The following TNRC18 variants were observed in gnomAD, a reference collection of about 807,000 sequenced individuals.
The protein encoded by TNRC18 is trinucleotide repeat-containing gene 18 protein.
In TNRC18, 69 loss-of-function variants were observed where a neutral mutation model predicts 226.7. That is an observed-to-expected ratio of 0.30 (90% CI 0.25 to 0.37). TNRC18 has a LOEUF of 0.37. TNRC18 is among the 10% of genes least tolerant of loss of function. TNRC18 has a pLI of 1.00. For synonymous variants in TNRC18, 2,449 were observed against 1,927.6 expected (o/e 1.27, Z -7.09); for missense variants, 4,754 against 4,256.6 (o/e 1.12, Z -3.25).
In TNRC18 at chr7:5,307,877, TG is replaced by T; in HGVS notation, c.*228del. On this transcript the variant is annotated 3_prime_UTR_variant, in exon 30 of 30. Coordinates refer to ENST00000430969, the MANE Select transcript of TNRC18 (RefSeq NM_001080495.3). ...TGATAGCTAAGAGGGGCCCCTGTCC[TG>T]GGGGCACTGAGGGGTTGGAAGGTGG... The T allele has an allele frequency of 1.7e-6, 1 of 574,758 alleles. No individual in the cohort carries two copies. Among genetic ancestry groups the T allele is most frequent in the Non-Finnish European group, 3.1e-6 (1 of 320,206 alleles). 35.6% of individuals were successfully genotyped at this position (574,758 alleles called of 1,614,324 possible).
chr7:5,391,402 C>T lies in TNRC18; in HGVS notation c.344-774G>A, dbSNP rs182480026. On this transcript the variant is annotated intron_variant, in intron 3 of 29. Transcript: ENST00000430969. ...TCTCGGTTCACTGCAACCTCCACCT[C>T]CTTAGTTCAAGAGATCCTCCTGCCA... Among the ~76,000 whole-genome samples, 82 of 152,022 alleles carry T rather than the reference C, an allele frequency of 5.4e-4. No homozygotes were observed. The East Asian group carries it at 0.014, about 26-fold the overall frequency.
chr7:5,345,298 A>G (rs1791059345), intron 18 of TNRC18, among the ~76,000 whole-genome samples: 1 of 152,192 alleles, frequency 6.6e-6, no homozygotes, highest in Non-Finnish European at 1.5e-5. Flanking sequence ...CAAGTGCCCA[A>G]AACAGGGCTG....
At chr7:5,386,512 C>T (rs890814300) in intron 5 of TNRC18, among the ~76,000 whole-genome samples, 2 of 150,420 alleles carry the variant, frequency 1.3e-5, no homozygotes, top group East Asian at 3.9e-4. Flanking sequence ...AGGCAGAGGT[C>T]GCAGTGAGCC....
intron 2 of TNRC18, among the ~76,000 whole-genome samples, chr7:5,419,661 G>A (rs1322107238): frequency 6.6e-6 from 1 of 152,036 alleles, no homozygotes; most frequent in African/African-American, 2.4e-5. Flanking sequence ...CAGCTCCGGA[G>A]GGACACAAGC....
chr7:5,379,212 A>C (rs1013469879), intron 5 of TNRC18, among the ~76,000 whole-genome samples: 1 of 151,996 alleles, frequency 6.6e-6, no homozygotes, highest in Admixed American at 6.6e-5. Context: ...AAAAAAAACA[A>C]AAAAACAAAA....
intron 2 of TNRC18, among the ~76,000 whole-genome samples, chr7:5,419,145 C>A (rs1167704068): frequency 6.6e-6 from 1 of 152,240 alleles, no homozygotes; most frequent in African/African-American, 2.4e-5. Flanking sequence ...GGTGGCTTGG[C>A]CTTCCCTCCA....
chr7:5,320,218 G>C, intron 24 of TNRC18, 100 bp downstream of exon 24: 1 of 899,130 alleles, frequency 1.1e-6, no homozygotes, highest in Non-Finnish European at 1.8e-6. Context: ...GAGCCCACAA[G>C]TCTTTATTCT....
At position 5,377,838 on chromosome 7, in the gene TNRC18, C is replaced by T; in HGVS notation, c.2255+84G>A. On this transcript the variant is annotated intron_variant, in intron 6 of 29. Coordinates refer to ENST00000430969, the MANE Select transcript of TNRC18 (RefSeq NM_001080495.3). The surrounding 1 kb of genome is among the most constrained non-coding windows in gnomAD (Gnocchi z 5.8). ...TAGCATCCATGGTCGAGGGGCCAAG[C>T]CCACCTGGGGTCATCCAGCTGCCCC... 7 of 1,381,024 alleles carry T rather than the reference C, an allele frequency of 5.1e-6. No individual in the cohort carries two copies. Among genetic ancestry groups the T allele is most frequent in the Non-Finnish European group, 7.1e-6 (7 of 984,388 alleles). 85.5% of individuals were successfully genotyped at this position (1,381,024 alleles called of 1,614,324 possible).
chr7:5,352,013 G>A lies in TNRC18; in HGVS notation c.5276C>T (p.Ser1759Phe), dbSNP rs1333874250. 6.2e-7 allele frequency: 1 copy of A among 1,613,994 alleles called. No homozygotes were observed. Among genetic ancestry groups the A allele is most frequent in the South Asian group, 1.1e-5 (1 of 91,074 alleles). ...QGPSSSKLTP[S>F]LLCSMVAKNS... ...CTTTGCCACCATGCTACACAGGAGG[G>A]AAGGCGTCAGTTTGGAGCTGGAGGG... The change falls in exon 17 of 30, where the codon TCC (serine) becomes TTC (phenylalanine). Residue 1759 changes from serine to phenylalanine, a missense_variant. Coordinates refer to ENST00000430969, the MANE Select transcript of TNRC18 (RefSeq NM_001080495.3).
intron 2 of TNRC18, among the ~76,000 whole-genome samples, chr7:5,404,705 G>T (rs1448549380): frequency 6.6e-6 from 1 of 151,888 alleles, no homozygotes; most frequent in African/African-American, 2.4e-5. Flanking sequence ...CAGCCAAAAT[G>T]ATCTGCAGAT....
intron 14 of TNRC18, among the ~76,000 whole-genome samples, chr7:5,360,349 C>T (rs1316584793): frequency 6.6e-6 from 1 of 152,068 alleles, no homozygotes; most frequent in East Asian, 1.9e-4. Flanking sequence ...CCCACCTCAG[C>T]CTCCCAAATA....
rs368659517 is a variant in TNRC18, at chr7:5,376,178, C to T, written c.2655G>A (p.Leu885=). The T allele has an allele frequency of 3.2e-6, 5 of 1,559,846 alleles. No individual in the cohort carries two copies. The highest frequency in any genetic ancestry group is 1.4e-5 in the African/African-American group (1 of 73,672). The change falls in exon 9 of 30, where the codon CTG becomes CTA. Residue 885 remains leucine, a synonymous_variant. Coordinates refer to ENST00000430969, the MANE Select transcript of TNRC18 (RefSeq NM_001080495.3). ...GCAGGGGGCTGCGGCCCGGCGGGTA[C>T]AGGGCGGGCCAGAGGGGCGGTACGG... is the stretch of plus-strand genomic sequence containing the variant. ...RATVPPLWPA[L]YPPGRSPLHH... is the part of the protein sequence containing the mutation.
chr7:5,401,205 T>C (rs1781060453), intron 2 of TNRC18, among the ~76,000 whole-genome samples: 1 of 120,754 alleles, frequency 8.3e-6, no homozygotes, highest in Admixed American at 9.5e-5. Context: ...GGTGGGCACC[T>C]GAAGTCCTCC....
At chr7:5,341,871 CA>C (rs34662288) in intron 18 of TNRC18, among the ~76,000 whole-genome samples, 4 of 150,688 alleles carry the variant, frequency 2.7e-5, no homozygotes, top group Admixed American at 6.6e-5. Context: ...CTATTGTTCA[CA>C]AAAAAAAATT....
intron 27 of TNRC18, among the ~76,000 whole-genome samples, chr7:5,311,829 A>G (rs555348149): frequency 4.5e-4 from 67 of 147,984 alleles, no homozygotes; most frequent in Non-Finnish European, 9.3e-4. Flanking sequence ...TAAAAAAAAA[A>G]AAAGAAAGAA....
chr7:5,329,815 A>G (rs1047986022), intron 19 of TNRC18: 13 of 433,898 alleles, frequency 3.0e-5, no homozygotes, highest in Non-Finnish European at 6.2e-5. Context: ...CCACTGGACT[A>G]CATTGCCTCT....
At chr7:5,393,655 C>T (rs958485243) in intron 3 of TNRC18, among the ~76,000 whole-genome samples, 6 of 152,162 alleles carry the variant, frequency 3.9e-5, no homozygotes, top group African/African-American at 9.7e-5. Flanking sequence ...AAGTACCTAG[C>T]GCCCAACATC....
chr7:5,374,002 T>C, intron 10 of TNRC18, 53 bp downstream of exon 10: 1 of 1,385,762 alleles, frequency 7.2e-7, no homozygotes, highest in Non-Finnish European at 9.6e-7. Context: ...GGATGAGCAG[T>C]TTTACCGCTC....
At position 5,309,041 on chromosome 7, in the gene TNRC18, G is replaced by T. The variant is rs1357634253; in HGVS notation, c.8625+91C>A. ...GGACAGGGCTGACCCACTGGGCAGG[G>T]CTGCTGATGCTCCAGCACCCAGAAC... On this transcript the variant is annotated intron_variant, in intron 28 of 29. Transcript: ENST00000430969. The surrounding 1 kb of genome is among the most constrained non-coding windows in gnomAD (Gnocchi z 5.7). 6.0e-6 allele frequency: 9 copies of T among 1,498,220 alleles called. No individual in the cohort carries two copies. The Admixed American group carries it at 1.6e-4, about 26-fold the overall frequency. The allele number at this position is 1,498,220 out of a possible 1,614,324, so 92.8% of individuals were successfully genotyped here.
Sources: gnomAD v4.1 joint callset for allele counts (sites outside exome capture counted in the v4.1 genomes callset) on GRCh38, gnomAD v4.1.1 for gene constraint, Gnocchi (gnomAD v3.1) non-coding constraint, MANE v1.5 for transcripts, NCBI Gene and HGNC (gene_info 2026-07-23, HGNC 2026-07-21) for gene names.